CSMD1: variants seen among roughly 807,000 people sequenced by gnomAD.
The protein encoded by CSMD1 is CUB and sushi domain-containing protein 1.
Under a neutral mutation model 417.5 loss-of-function variants are expected in CSMD1, and 213 were observed. The observed-to-expected ratio is 0.51, with a 90% CI of 0.46 to 0.57. CSMD1 has a LOEUF of 0.57. CSMD1 is among the 20% of genes least tolerant of loss of function. The probability of loss-of-function intolerance (pLI) is 0.00; values close to 1 mark genes in which losing one functional copy is unlikely to be tolerated. For missense variants in CSMD1, 6,923 were observed against 4,529.7 expected (o/e 1.53, Z -15.17); for synonymous variants, 2,862 against 1,736.8 (o/e 1.65, Z -16.11).
chr8:3,449,236 G>A (rs1815527414), intron 12 of CSMD1, among the ~76,000 whole-genome samples: 7 of 152,200 alleles, frequency 4.6e-5, no homozygotes, highest in Admixed American at 4.6e-4. Context: ...ATTGTAGAGG[G>A]AAGTTAAAAT....
chr8:3,304,130 G>C (rs191976893), intron 25 of CSMD1, among the ~76,000 whole-genome samples: 3 of 152,194 alleles, frequency 2.0e-5, no homozygotes, highest in Admixed American at 2.0e-4. Flanking sequence ...CATTCCTTGA[G>C]AGTGAAAAAT....
intron 26 of CSMD1, among the ~76,000 whole-genome samples, chr8:3,272,849 T>G (rs1345884939): frequency 6.6e-6 from 1 of 150,716 alleles, no homozygotes; most frequent in Non-Finnish European, 1.5e-5. Flanking sequence ...AGTGGGGTTT[T>G]CCAGATATAC....
At chr8:4,934,237 C>G (rs1168363710) in intron 1 of CSMD1, among the ~76,000 whole-genome samples, 1 of 152,096 alleles carries the variant, frequency 6.6e-6, no homozygotes, top group Non-Finnish European at 1.5e-5. Flanking sequence ...CAGACATCCC[C>G]CAAGGCAGAA....
intron 21 of CSMD1, among the ~76,000 whole-genome samples, chr8:3,350,908 T>C (rs762752053): frequency 1.3e-5 from 2 of 152,220 alleles, no homozygotes; most frequent in Non-Finnish European, 2.9e-5. Flanking sequence ...GTCCTCACTA[T>C]GCAAGAATAA....
chr8:4,453,714 A>C (rs568758301), intron 2 of CSMD1, among the ~76,000 whole-genome samples: 1 of 151,830 alleles, frequency 6.6e-6, no homozygotes, highest in East Asian at 2.0e-4. Flanking sequence ...CACAGGCATC[A>C]CAGCGGGCTT....
intron 7 of CSMD1, among the ~76,000 whole-genome samples, chr8:3,675,782 G>C (rs1799341839): frequency 1.3e-5 from 2 of 152,114 alleles, no homozygotes; most frequent in Non-Finnish European, 2.9e-5. Context: ...TGTTGTTTAA[G>C]CTGCCCAGTC....
intron 1 of CSMD1, among the ~76,000 whole-genome samples, chr8:4,964,578 G>A (rs781180740): frequency 1.4e-5 from 2 of 139,996 alleles, no homozygotes; most frequent in Admixed American, 1.5e-4. Context: ...ACAGAACCAA[G>A]AAGGACAAGA....
chr8:4,188,999 A>T (rs972631638), intron 3 of CSMD1, among the ~76,000 whole-genome samples: 7 of 152,176 alleles, frequency 4.6e-5, no homozygotes, highest in Non-Finnish European at 7.3e-5. Context: ...CTGTGATGTA[A>T]ACAGAAATAC....
At chr8:4,544,153 A>G (rs1797534582) in intron 2 of CSMD1, among the ~76,000 whole-genome samples, 1 of 152,092 alleles carries the variant, frequency 6.6e-6, no homozygotes, top group Non-Finnish European at 1.5e-5. Context: ...TTTTTCATGG[A>G]TCACACCTTT....
intron 5 of CSMD1, among the ~76,000 whole-genome samples, chr8:3,770,848 A>G (rs1264179007): frequency 3.3e-5 from 5 of 152,322 alleles, no homozygotes; most frequent in African/African-American, 9.6e-5. Flanking sequence ...AAAGGAGGAA[A>G]AACAAATGGT....
Position 4,863,544 on chromosome 8 carries a change from C to G in CSMD1, c.85+130788G>C, listed in dbSNP as rs114182265. On this transcript the variant is annotated intron_variant, in intron 1 of 69. Transcript: ENST00000635120. ...AGGGTAACTCATTCCTATTGGTATC[C>G]CATATTCTCATTCCTGCATTTTTTT... 9.2e-5 allele frequency among the ~76,000 whole-genome samples: 14 copies of G among 151,918 alleles called. No homozygotes were observed. In the East Asian group the frequency reaches 1.9e-3, roughly 21 times the overall value.
intron 3 of CSMD1, among the ~76,000 whole-genome samples, chr8:4,159,273 G>C (rs942114479): frequency 1.3e-5 from 2 of 152,140 alleles, no homozygotes; most frequent in African/African-American, 2.4e-5. Flanking sequence ...GTAGCATTTA[G>C]TGTAAGTTTA....
chr8:4,749,050 G>C (rs1563284719), intron 1 of CSMD1, among the ~76,000 whole-genome samples: 2 of 142,572 alleles, frequency 1.4e-5, no homozygotes, highest in Non-Finnish European at 3.0e-5. Flanking sequence ...GTGTGTGCCT[G>C]TGTGCGTGTG....
chr8:4,823,384 A>T (rs1799628454), intron 1 of CSMD1, among the ~76,000 whole-genome samples: 1 of 152,128 alleles, frequency 6.6e-6, no homozygotes, highest in African/African-American at 2.4e-5. Flanking sequence ...TTTGAAAAAA[A>T]ATCAAAGTAG....
intron 50 of CSMD1, among the ~76,000 whole-genome samples, chr8:3,031,156 T>C (rs1324574615): frequency 6.6e-6 from 1 of 152,006 alleles, no homozygotes; most frequent in Non-Finnish European, 1.5e-5. Context: ...TTTAGCCTCA[T>C]AAATTTATAA....
In CSMD1 at chr8:3,571,298, G is replaced by C. The variant is rs1322420715; in HGVS notation, c.1344+3647C>G. Among the ~76,000 whole-genome samples the C allele has an allele frequency of 2.6e-5, 4 of 152,274 alleles. No individual in the cohort carries two copies. In the South Asian group the frequency reaches 6.2e-4, roughly 24 times the overall value. On this transcript the variant is annotated intron_variant, in intron 10 of 69. Transcript: ENST00000635120. ...GTGCCTCTGCCCATTCCATGGACTT[G>C]GATGGACAGTAGGCACCTTGCTATC...
intron 41 of CSMD1, among the ~76,000 whole-genome samples, chr8:3,132,486 T>C (rs1382635073): frequency 6.6e-6 from 1 of 152,180 alleles, no homozygotes; most frequent in Non-Finnish European, 1.5e-5. Flanking sequence ...AAGTAAGCTG[T>C]TTGTCTTCAA....
chr8:4,147,128 C>G lies in CSMD1; in HGVS notation c.416-115029G>C, dbSNP rs545475788. On this transcript the variant is annotated intron_variant, in intron 3 of 69. Transcript: ENST00000635120. The stretch of plus-strand genomic sequence containing the variant: ...CCATCCCCTCCTGACCAATCTCTTC[C>G]TCAGTTACCCTCACATGATTCTTCT... Among the ~76,000 whole-genome samples, 66 of 152,102 alleles carry G rather than the reference C, an allele frequency of 4.3e-4. 1 individual carries two copies. Among genetic ancestry groups the G allele is most frequent in the African/African-American group, 1.5e-3 (62 of 41,472 alleles).
intron 9 of CSMD1, among the ~76,000 whole-genome samples, chr8:3,585,771 A>C (rs1176408444): frequency 6.6e-6 from 1 of 152,190 alleles, no homozygotes; most frequent in Non-Finnish European, 1.5e-5. Context: ...GCAATAGGAA[A>C]GTGAACATTT....
Sources: gnomAD v4.1 joint callset for allele counts (sites outside exome capture counted in the v4.1 genomes callset) on GRCh38, gnomAD v4.1.1 for gene constraint, MANE v1.5 for transcripts, NCBI Gene and HGNC (gene_info 2026-07-23, HGNC 2026-07-21) for gene names.